Variants in CCDC102B observed in about 807,000 individuals in gnomAD.
CCDC102B encodes coiled-coil domain-containing protein 102B.
Under a neutral mutation model 57.4 loss-of-function variants are expected in CCDC102B, and 75 were observed. That is an observed-to-expected ratio of 1.31 (90% CI 1.08 to 1.58). The LOEUF is 1.58. CCDC102B is among the 40% of genes most tolerant of loss of function. CCDC102B has a pLI of 0.00. For synonymous variants in CCDC102B, 206 were observed against 201.9 expected, an observed-to-expected ratio of 1.02 and a Z score of -0.17; for missense variants, 636 against 582.6, an observed-to-expected ratio of 1.09 and a Z score of -0.94.
chr18:68,910,005 T>G (rs538223935), intron 6 of CCDC102B, among the ~76,000 whole-genome samples: 21 of 152,202 alleles, frequency 1.4e-4, no homozygotes, highest in Admixed American at 1.4e-3. Flanking sequence ...ATAAAAGAGA[T>G]AGAGAATTAG....
intron 7 of CCDC102B, among the ~76,000 whole-genome samples, chr18:69,028,112 C>T (rs8090805): frequency 0.077 from 11,782 of 152,118 alleles, 1,532 homozygotes; most frequent in African/African-American, 0.27. Flanking sequence ...ATGAAATTAT[C>T]CTGAAGTGGG....
At chr18:69,028,632 G>GACACACAC (rs34947733) in intron 7 of CCDC102B, among the ~76,000 whole-genome samples, 1 of 149,508 alleles carries the variant, frequency 6.7e-6, no homozygotes. Flanking sequence ...GGGCTTCTTT[G>GACACACAC]ACACACACAC....
intron 6 of CCDC102B, among the ~76,000 whole-genome samples, chr18:68,933,988 A>T (rs2041764783): frequency 6.6e-6 from 1 of 151,892 alleles, no homozygotes; most frequent in Non-Finnish European, 1.5e-5. Flanking sequence ...TAAATGAGAC[A>T]GTAAATGCTT....
chr18:69,053,323 CAT>C (rs10538584), intron 7 of CCDC102B, among the ~76,000 whole-genome samples: 22,556 of 148,330 alleles, frequency 0.15, 1,866 homozygotes, highest in Middle Eastern at 0.21. Context: ...ATATATTTCA[CAT>C]ATATATATAT....
chr18:68,815,677 T>TACATACACACACAC (rs139160920), intron 1 of CCDC102B, among the ~76,000 whole-genome samples: 1 of 149,178 alleles, frequency 6.7e-6, no homozygotes, highest in African/African-American at 2.5e-5. Context: ...TCCATTTACA[T>TACATACACACACAC]ACACACACAC....
At chr18:68,883,505 T>C (rs2039766807) in intron 5 of CCDC102B, among the ~76,000 whole-genome samples, 1 of 152,156 alleles carries the variant, frequency 6.6e-6, no homozygotes, top group Admixed American at 6.5e-5. Flanking sequence ...GTTAAAATCA[T>C]ATGTACGATT....
chr18:68,924,207 C>T (rs1203741288), intron 6 of CCDC102B, among the ~76,000 whole-genome samples: 1 of 150,620 alleles, frequency 6.6e-6, no homozygotes, highest in African/African-American at 2.4e-5. Context: ...TATGGTTAGG[C>T]TTTGTGTCCC....
chr18:68,749,273 C>G (rs912521508), intron 2 of CCDC102B, among the ~76,000 whole-genome samples: 3 of 151,968 alleles, frequency 2.0e-5, no homozygotes, highest in African/African-American at 7.3e-5. Context: ...TTTTTTGGTT[C>G]CATATGAACT....
chr18:68,922,468 G>A (rs1244348053), intron 6 of CCDC102B, among the ~76,000 whole-genome samples: 3 of 152,110 alleles, frequency 2.0e-5, no homozygotes, highest in East Asian at 3.9e-4. Context: ...ATAACTGAAG[G>A]CCAGTTGGGA....
chr18:68,804,353 T>C (rs1229858926), intron 1 of CCDC102B, among the ~76,000 whole-genome samples: 2 of 152,126 alleles, frequency 1.3e-5, no homozygotes, highest in Non-Finnish European at 2.9e-5. Context: ...TCCTTAGTGA[T>C]GTTAAGTGGG....
At chr18:68,953,546 GC>G (rs1163849671) in intron 6 of CCDC102B, among the ~76,000 whole-genome samples, 13 of 132,404 alleles carry the variant, frequency 9.8e-5, no homozygotes, top group African/African-American at 2.7e-4. Context: ...TTGTTTAGTA[GC>G]GGTTTTTTTT....
intron 2 of CCDC102B, among the ~76,000 whole-genome samples, chr18:68,755,214 A>G (rs888544231): frequency 6.6e-6 from 1 of 152,192 alleles, no homozygotes; most frequent in Non-Finnish European, 1.5e-5. Flanking sequence ...AAATAGGCTT[A>G]TGGGAGGATG....
At chr18:68,839,653 G>A (rs938730310) in intron 3 of CCDC102B, among the ~76,000 whole-genome samples, 6 of 152,120 alleles carry the variant, frequency 3.9e-5, no homozygotes, top group African/African-American at 1.2e-4. Flanking sequence ...GAAGGCTGGG[G>A]GCTGCAGCCT....
At chr18:68,857,082 ATATATT>A (rs1277171626) in intron 4 of CCDC102B, among the ~76,000 whole-genome samples, 3 of 115,164 alleles carry the variant, frequency 2.6e-5, no homozygotes, top group African/African-American at 1.0e-4. Flanking sequence ...TTATATATAA[ATATATT>A]TATATATTTT....
At chr18:68,930,747 C>T (rs560972413) in intron 6 of CCDC102B, among the ~76,000 whole-genome samples, 1 of 151,988 alleles carries the variant, frequency 6.6e-6, no homozygotes, top group Non-Finnish European at 1.5e-5. Flanking sequence ...CACCAGGAAT[C>T]AGAATTTTGG....
At chr18:68,892,129 A>T (rs1299824762) in intron 5 of CCDC102B, among the ~76,000 whole-genome samples, 5 of 152,152 alleles carry the variant, frequency 3.3e-5, no homozygotes, top group African/African-American at 1.2e-4. Flanking sequence ...TTCTTTGATA[A>T]TTCCCTTAAT....
chr18:68,742,630 T>C (rs2033440685), intron 2 of CCDC102B, among the ~76,000 whole-genome samples: 1 of 152,202 alleles, frequency 6.6e-6, no homozygotes, highest in Non-Finnish European at 1.5e-5. Flanking sequence ...CTGGCATAGA[T>C]TGGGTGGGTG....
chr18:69,009,657 G>A (rs963933784), intron 6 of CCDC102B, among the ~76,000 whole-genome samples: 6 of 151,650 alleles, frequency 4.0e-5, no homozygotes, highest in African/African-American at 1.5e-4. Flanking sequence ...ATATTTTATG[G>A]CTATTTTTTA....
intron 6 of CCDC102B, among the ~76,000 whole-genome samples, chr18:68,964,202 A>T (rs1239056656): frequency 6.6e-6 from 1 of 151,880 alleles, no homozygotes; most frequent in South Asian, 2.1e-4. Context: ...TTTGCAGTAC[A>T]TTCTGGGATA....
Sources: gnomAD v4.1 joint callset for allele counts (sites outside exome capture counted in the v4.1 genomes callset) on GRCh38, gnomAD v4.1.1 for gene constraint, MANE v1.5 for transcripts, NCBI Gene and HGNC (gene_info 2026-07-23, HGNC 2026-07-21) for gene names.